A1CF: variants seen among roughly 807,000 people sequenced by gnomAD.
A1CF encodes the protein APOBEC1 complementation factor, also known as APOBEC-1 stimulating protein.
In A1CF, 48 loss-of-function variants were observed where a neutral mutation model predicts 68.9. The ratio of observed to expected loss-of-function variants is 0.70; its 90% CI spans 0.55 to 0.89. A1CF has a LOEUF of 0.89. A1CF is among the 40% of genes least tolerant of loss of function. The probability of loss-of-function intolerance (pLI) is 0.00; values close to 1 mark genes in which losing one functional copy is unlikely to be tolerated. For missense variants in A1CF, 653 were observed against 718.9 expected, an observed-to-expected ratio of 0.91 and a Z score of 1.05; for synonymous variants, 272 against 260.4, an observed-to-expected ratio of 1.04 and a Z score of -0.43.
In A1CF at chr10:50,877,712, G is replaced by A. The variant is rs1457784932; in HGVS notation, c.-94+7869C>T. On this transcript the variant is annotated intron_variant, in intron 1 of 12. Coordinates refer to ENST00000373997, the MANE Select transcript of A1CF (RefSeq NM_014576.4). ...TAAAGTCTTAGAGATTTGCATTCTG[G>A]TGTGAGGATCTGTATTTCTCTTTTA... 2.0e-5 allele frequency among the ~76,000 whole-genome samples: 3 copies of A among 152,208 alleles called. No homozygotes were observed. The East Asian group carries it at 5.8e-4, about 29-fold the overall frequency.
At chr10:50,858,075 T>A (rs1271649688) in intron 3 of A1CF, among the ~76,000 whole-genome samples, 6 of 152,156 alleles carry the variant, frequency 3.9e-5, no homozygotes, top group Non-Finnish European at 8.8e-5. Context: ...ACCAAACTGG[T>A]GTTGAAAGAG....
chr10:50,804,660 C>T lies in A1CF; in HGVS notation c.*2069G>A, dbSNP rs974575146. On this transcript the variant is annotated 3_prime_UTR_variant, in exon 13 of 13. Transcript: ENST00000373997. ...ATTTTTAGAGTTAGTTTGAAGCCTA[C>T]GTAAGTTACATTTAAATTCATACTA... 1 of 152,044 alleles carries T rather than the reference C, an allele frequency of 6.6e-6. No individual in the cohort carries two copies. The highest frequency in any genetic ancestry group is 2.1e-4 in the South Asian group (1 of 4,830). 9.4% of individuals were successfully genotyped at this position (152,044 alleles called of 1,614,324 possible). A position where few individuals can be genotyped will look rare whatever the true frequency, so the allele number is the denominator to read the frequency against.
Position 50,851,005 on chromosome 10 carries a change from C to G in A1CF, c.100-6883G>C, listed in dbSNP as rs147317408. Among the ~76,000 whole-genome samples, 823 of 152,282 alleles carry G rather than the reference C, an allele frequency of 5.4e-3. 9 individuals are homozygous for G. Among genetic ancestry groups the G allele is most frequent in the African/African-American group, 0.019 (808 of 41,562 alleles). Reference sequence around the variant, plus strand: ...AAAACTTCCCATGTGCAGATAAAGACATAATAAAGAACATTTGGTTTGGGT... The same window carrying G: ...AAAACTTCCCATGTGCAGATAAAGAGATAATAAAGAACATTTGGTTTGGGT... On this transcript the variant is annotated intron_variant, in intron 3 of 12. Coordinates refer to ENST00000373997, the MANE Select transcript of A1CF (RefSeq NM_014576.4).
rs1290318737 is a variant in A1CF at position 50,799,560 on chromosome 10, T to A, written c.*7169A>T. ...TGTTAATATCTTCCAAACCAAAGAT[T>A]ATTTTCCCAACAAGTGAATGGTGTA... On this transcript the variant is annotated 3_prime_UTR_variant, in exon 13 of 13. Transcript: ENST00000373997. The A allele has an allele frequency of 6.6e-6, 1 of 152,154 alleles. No individual in the cohort carries two copies. Among genetic ancestry groups the A allele is most frequent in the Non-Finnish European group, 1.5e-5 (1 of 68,000 alleles). 9.4% of individuals were successfully genotyped at this position (152,154 alleles called of 1,614,324 possible).
chr10:50,851,567 A>C (rs186767349), intron 3 of A1CF, among the ~76,000 whole-genome samples: 4 of 152,296 alleles, frequency 2.6e-5, no homozygotes, highest in African/African-American at 9.6e-5. Flanking sequence ...TATAAAAACA[A>C]TTGCAAACAA....
chr10:50,850,083 G>C (rs1361918261), intron 3 of A1CF, among the ~76,000 whole-genome samples: 1 of 152,114 alleles, frequency 6.6e-6, no homozygotes, highest in Non-Finnish European at 1.5e-5. Flanking sequence ...GATGCAAATG[G>C]CTCTTGGCTC....
Position 50,873,088 on chromosome 10 carries a change from TG to T in A1CF, c.-93-9009del, listed in dbSNP as rs1443639752. 3.3e-5 allele frequency among the ~76,000 whole-genome samples: 5 copies of T among 151,152 alleles called. No homozygotes were observed. In the East Asian group the frequency reaches 9.8e-4, roughly 30 times the overall value. On this transcript the variant is annotated intron_variant, in intron 1 of 12. Coordinates refer to ENST00000373997, the MANE Select transcript of A1CF (RefSeq NM_014576.4). ...CTCCTGCCTCAGCCTCCCAAGTAGC[TG>T]GGATTACAGATGTGTGCCACTATGC... is the stretch of plus-strand genomic sequence containing the variant.
chr10:50,864,514 A>G (rs961921670), intron 1 of A1CF, among the ~76,000 whole-genome samples: 3 of 151,572 alleles, frequency 2.0e-5, no homozygotes, highest in African/African-American at 7.3e-5. Context: ...ACTGGCGATC[A>G]GAGTCTTCTT....
At chr10:50,851,882 A>C (rs561002426) in intron 3 of A1CF, among the ~76,000 whole-genome samples, 2 of 152,324 alleles carry the variant, frequency 1.3e-5, no homozygotes, top group African/African-American at 4.8e-5. Flanking sequence ...ATACAAATTC[A>C]TGATTGCAAG....
intron 1 of A1CF, among the ~76,000 whole-genome samples, chr10:50,870,836 T>C (rs553084964): frequency 1.3e-5 from 2 of 151,856 alleles, no homozygotes; most frequent in African/African-American, 2.4e-5. Flanking sequence ...ACCAGTATCA[T>C]AGGAGTATAG....
At chr10:50,876,623 C>T (rs532722710) in intron 1 of A1CF, among the ~76,000 whole-genome samples, 20 of 152,228 alleles carry the variant, frequency 1.3e-4, no homozygotes, top group African/African-American at 2.6e-4. Context: ...GCTCTTCTTG[C>T]GTCTCTAACC....
intron 7 of A1CF, among the ~76,000 whole-genome samples, chr10:50,826,756 G>T (rs1838961349): frequency 6.6e-6 from 1 of 152,174 alleles, no homozygotes; most frequent in Non-Finnish European, 1.5e-5. Context: ...ACATCATAAT[G>T]ACAGGATCAA....
chr10:50,831,454 C>T (rs144070518), intron 6 of A1CF, among the ~76,000 whole-genome samples: 12 of 152,246 alleles, frequency 7.9e-5, no homozygotes, highest in African/African-American at 1.7e-4. Context: ...AAAGGCCGGG[C>T]GTGGTGGCTC....
chr10:50,817,145 A>G (rs1251033656), intron 8 of A1CF, among the ~76,000 whole-genome samples: 1 of 152,226 alleles, frequency 6.6e-6, no homozygotes, highest in Non-Finnish European at 1.5e-5. Flanking sequence ...TTGCTTGCCT[A>G]CACAATAAAC....
In A1CF at chr10:50,849,786, CTTTTTT is replaced by C. The variant is rs71949925; in HGVS notation, c.100-5670_100-5665del. Among the ~76,000 whole-genome samples, 9 of 83,662 alleles carry C rather than the reference CTTTTTT, an allele frequency of 1.1e-4. No individual in the cohort carries two copies. In the South Asian group the frequency reaches 1.5e-3, roughly 14 times the overall value. The allele number at this position is 83,662 out of a possible 152,430, so 54.9% of individuals were successfully genotyped here. ...AAATAGTGAGTTGATTTAATGAATT[CTTTTTT>C]TTTTTTTTTTTTTTTTTTTGAGACG... On this transcript the variant is annotated intron_variant, in intron 3 of 12. Coordinates refer to ENST00000373997, the MANE Select transcript of A1CF (RefSeq NM_014576.4).
At chr10:50,810,481 G>T (rs10821854) in intron 11 of A1CF, among the ~76,000 whole-genome samples, 63,277 of 151,990 alleles carry the variant, frequency 0.42, 14,878 homozygotes, top group Admixed American at 0.57. Flanking sequence ...GAAAGAATGG[G>T]CTATAGCTTT....
At chr10:50,863,476 T>C (rs369613118) in intron 2 of A1CF, among the ~76,000 whole-genome samples, 77 of 152,300 alleles carry the variant, frequency 5.1e-4, no homozygotes, top group African/African-American at 1.6e-3. Flanking sequence ...TTTGGAAAGA[T>C]AGAGAAAAGC....
chr10:50,811,246 T>C lies in A1CF; in HGVS notation c.1324-70A>G, dbSNP rs983513427. 2.7e-6 allele frequency: 4 copies of C among 1,477,198 alleles called. No individual in the cohort carries two copies. The African/African-American group carries it at 5.6e-5, about 21-fold the overall frequency. The allele number at this position is 1,477,198 out of a possible 1,614,324, so 91.5% of individuals were successfully genotyped here. On this transcript the variant is annotated intron_variant, in intron 10 of 12. Coordinates refer to ENST00000373997, the MANE Select transcript of A1CF (RefSeq NM_014576.4). Reference sequence around the variant, plus strand: ...ACATTATTTCCCAAGTTTTCAGGTTTTTAAACTCTAATTTTCAGAGTTCAA... The same window carrying C: ...ACATTATTTCCCAAGTTTTCAGGTTCTTAAACTCTAATTTTCAGAGTTCAA...
chr10:50,877,966 C>CA (rs770162313), intron 1 of A1CF, among the ~76,000 whole-genome samples: 4 of 152,042 alleles, frequency 2.6e-5, no homozygotes, highest in Non-Finnish European at 5.9e-5. Context: ...ACCAAAAATA[C>CA]AAAAAATTAG....
Sources: allele counts gnomAD v4.1 joint callset (sites outside exome capture counted in the v4.1 genomes callset), GRCh38; gene constraint gnomAD v4.1.1; transcripts MANE v1.5; gene names NCBI Gene and HGNC (gene_info 2026-07-23, HGNC 2026-07-21).